TMTC2: variants seen among roughly 807,000 people sequenced by gnomAD.
TMTC2 encodes the protein transmembrane O-mannosyltransferase targeting cadherins 2.
In TMTC2, 43 loss-of-function variants were observed where a neutral mutation model predicts 82.4. The observed-to-expected ratio is 0.52, with a 90% CI of 0.41 to 0.67. TMTC2 has a LOEUF of 0.67. TMTC2 is among the 30% of genes least tolerant of loss of function. TMTC2 has a pLI of 0.00. For synonymous variants in TMTC2, 408 were observed against 381.9 expected (o/e 1.07, Z -0.80); for missense variants, 919 against 1,012.4 (o/e 0.91, Z 1.25).
chr12:82,754,080 C>T (rs890211181), intron 1 of TMTC2, among the ~76,000 whole-genome samples: 1 of 152,038 alleles, frequency 6.6e-6, no homozygotes, highest in East Asian at 1.9e-4. Flanking sequence ...TTGGGAGATA[C>T]CCCAAAGAAA....
chr12:82,945,647 A>C (rs1197673179), intron 4 of TMTC2, among the ~76,000 whole-genome samples: 1 of 152,234 alleles, frequency 6.6e-6, no homozygotes, highest in Non-Finnish European at 1.5e-5. Flanking sequence ...GTTTTGCATT[A>C]TGAAAAAAGT....
chr12:82,807,976 GGTTTTATTTGAGACT>G (rs1260779608), intron 1 of TMTC2, among the ~76,000 whole-genome samples: 22 of 151,936 alleles, frequency 1.4e-4, no homozygotes, highest in Non-Finnish European at 2.7e-4. Context: ...AAAATTTTTA[GGTTTTATTTGAGACT>G]GTTTAATAAT....
At chr12:82,958,371 C>CAAAAAAAAAAAAAAAAAAAAAAAAAAAAA (rs920765326) in intron 4 of TMTC2, among the ~76,000 whole-genome samples, 1 of 18,926 alleles carries the variant, frequency 5.3e-5, no homozygotes, top group African/African-American at 1.4e-4. Flanking sequence ...AAAAAAAAAA[C>CAAAAAAAAAAAAAAAAAAAAAAAAAAAAA]AAAAAAAACA....
Position 82,857,453 on chromosome 12 carries a change from G to A in TMTC2, c.527G>A (p.Gly176Glu), listed in dbSNP as rs546820776. 1 of 1,614,232 alleles carries A rather than the reference G, an allele frequency of 6.2e-7. No individual in the cohort carries two copies. Among genetic ancestry groups the A allele is most frequent in the South Asian group, 1.1e-5 (1 of 91,080 alleles). ...ACCTGGGGCTGGTTCCTGGGGTCAG[G>A]ACTGTGCGCAGGATGCAGCATGTTG... ...ARTWGWFLGS[G>E]LCAGCSMLWK... Residue 176 changes from glycine to glutamate, a missense_variant, in exon 2 of 12, where the codon GGA (glycine) becomes GAA (glutamate). Physicochemically the swap from Gly to Glu is moderately conservative, Grantham distance 98 (BLOSUM62 -2). Coordinates refer to ENST00000321196, the MANE Select transcript of TMTC2 (RefSeq NM_152588.3).
At chr12:82,760,513 T>G (rs968775904) in intron 1 of TMTC2, among the ~76,000 whole-genome samples, 1 of 149,788 alleles carries the variant, frequency 6.7e-6, no homozygotes, top group African/African-American at 2.5e-5. Flanking sequence ...GTGGCAGATT[T>G]GTAGTTAGAA....
chr12:82,849,855 T>C (rs1040102499), intron 1 of TMTC2, among the ~76,000 whole-genome samples: 14 of 152,064 alleles, frequency 9.2e-5, no homozygotes, highest in Non-Finnish European at 1.5e-4. Flanking sequence ...TTGGTTCTTT[T>C]ATTTTGGTTT....
chr12:83,073,965 A>C (rs1883200152), intron 11 of TMTC2, among the ~76,000 whole-genome samples: 1 of 151,296 alleles, frequency 6.6e-6, no homozygotes, highest in Non-Finnish European at 1.5e-5. Flanking sequence ...AACCTCCTGG[A>C]TTCTTTTTCA....
At chr12:82,889,965 A>G (rs1386545480) in intron 2 of TMTC2, among the ~76,000 whole-genome samples, 2 of 125,090 alleles carry the variant, frequency 1.6e-5, no homozygotes, top group African/African-American at 5.7e-5. Context: ...GTTAGAATGT[A>G]GGTAACTAAC....
At position 82,999,976 on chromosome 12, in the gene TMTC2, G is replaced by A. The variant is rs138435440; in HGVS notation, c.2070+13930G>A. On this transcript the variant is annotated intron_variant, in intron 8 of 11. Transcript: ENST00000321196. ...CAAAGTCTCATCTGAGACAAGGCAC[G>A]TCCCTTCCACCTATGAGCCTTTAAA... Among the ~76,000 whole-genome samples the A allele has an allele frequency of 7.9e-3, 1,196 of 152,260 alleles. 7 individuals are homozygous for A. Among genetic ancestry groups the A allele is most frequent in the African/African-American group, 0.015 (635 of 41,544 alleles).
chr12:82,766,629 C>A (rs533008451), intron 1 of TMTC2, among the ~76,000 whole-genome samples: 1 of 152,134 alleles, frequency 6.6e-6, no homozygotes, highest in East Asian at 1.9e-4. Context: ...TCAAGTCCGA[C>A]GAAAATGCCA....
intron 9 of TMTC2, among the ~76,000 whole-genome samples, chr12:83,035,802 C>A (rs1325638280): frequency 6.6e-6 from 1 of 152,096 alleles, no homozygotes; most frequent in Non-Finnish European, 1.5e-5. Flanking sequence ...TTAAAAATGA[C>A]TAGAAAAACC....
chr12:82,763,589 C>G (rs769538248), intron 1 of TMTC2, among the ~76,000 whole-genome samples: 3 of 152,172 alleles, frequency 2.0e-5, no homozygotes, highest in African/African-American at 2.4e-5. Context: ...AAAAATATGT[C>G]AAAGGCTTTT....
chr12:82,938,094 A>G (rs924183830), intron 4 of TMTC2, among the ~76,000 whole-genome samples: 4 of 151,452 alleles, frequency 2.6e-5, no homozygotes, highest in African/African-American at 7.3e-5. Context: ...TTGTATTTTT[A>G]GTAGAGACGG....
chr12:82,740,706 A>G (rs1277094571), intron 1 of TMTC2, among the ~76,000 whole-genome samples: 1 of 152,122 alleles, frequency 6.6e-6, no homozygotes, highest in Non-Finnish European at 1.5e-5. Flanking sequence ...TCTGTGCCAC[A>G]GACTTTCTCT....
intron 4 of TMTC2, among the ~76,000 whole-genome samples, chr12:82,951,366 C>A (rs1273550479): frequency 1.3e-5 from 2 of 152,146 alleles, no homozygotes; most frequent in African/African-American, 4.8e-5. Flanking sequence ...TCTCGGCTCA[C>A]TGCAATCTCC....
At chr12:82,971,921 T>G (rs1442238937) in intron 7 of TMTC2, among the ~76,000 whole-genome samples, 2 of 152,156 alleles carry the variant, frequency 1.3e-5, no homozygotes, top group Non-Finnish European at 2.9e-5. Context: ...CTGGGAGATT[T>G]CACAGTTGGT....
At chr12:82,940,608 CTT>C (rs986520598) in intron 4 of TMTC2, among the ~76,000 whole-genome samples, 1 of 144,448 alleles carries the variant, frequency 6.9e-6, no homozygotes. Flanking sequence ...ATATGTTTTG[CTT>C]TTTTTTTTTC....
intron 1 of TMTC2, among the ~76,000 whole-genome samples, chr12:82,757,895 A>G (rs1371285351): frequency 6.6e-6 from 1 of 152,172 alleles, no homozygotes; most frequent in African/African-American, 2.4e-5. Flanking sequence ...GGCAATTATC[A>G]CCATAGATAA....
In TMTC2 at chr12:82,899,712, A is replaced by AAT. The variant is rs1194618792; in HGVS notation, c.1483+3076_1483+3077dup. ...TATATAAGAAAATATATATATGTGG[A>AAT]ATATATATATAAGAATATATATATG... is the stretch of plus-strand genomic sequence containing the variant. On this transcript the variant is annotated intron_variant, in intron 3 of 11. Transcript: ENST00000321196. Among the ~76,000 whole-genome samples the AAT allele has an allele frequency of 2.2e-4, 27 of 121,770 alleles. No individual in the cohort carries two copies. In the East Asian group the frequency reaches 3.5e-3, roughly 16 times the overall value. The allele number at this position is 121,770 out of a possible 152,430, so 79.9% of individuals were successfully genotyped here.
Sources: gnomAD v4.1 joint callset for allele counts (sites outside exome capture counted in the v4.1 genomes callset) on GRCh38, gnomAD v4.1.1 for gene constraint, MANE v1.5 for transcripts, NCBI Gene and HGNC (gene_info 2026-07-23, HGNC 2026-07-21) for gene names.